The following FAM186B variants were observed in gnomAD, a reference collection of about 807,000 sequenced individuals.
FAM186B encodes the protein protein FAM186B.
Under a neutral mutation model 83.4 loss-of-function variants are expected in FAM186B, and 68 were observed. That is an observed-to-expected ratio of 0.81 (90% CI 0.67 to 1.00). The LOEUF is 1.00. Among genes scored for constraint, FAM186B ranks in the 50% least tolerant of loss-of-function variants. FAM186B has a pLI of 0.00. For synonymous variants in FAM186B, 389 were observed against 422.0 expected (o/e 0.92, Z 0.96); for missense variants, 983 against 1,099.2 (o/e 0.89, Z 1.49).
At chr12:49,617,957 G>T in the FAM186B span, among the ~76,000 whole-genome samples, 1 of 152,248 alleles carries the variant, frequency 6.6e-6, no homozygotes, top group Non-Finnish European at 1.5e-5. Context: ...GGTTGTGCCA[G>T]ACCAGAGATG....
Position 49,598,786 on chromosome 12 carries a change from C to T in FAM186B, c.2333G>A (p.Cys778Tyr), listed in dbSNP as rs1336566841. The change falls in exon 5 of 7, where the codon TGC becomes TAC. Residue 778 changes from cysteine to tyrosine, a missense_variant. Transcript: ENST00000257894. The stretch of plus-strand genomic sequence containing the variant: ...GAACATGGTCACCATGCTGCTCAGG[C>T]ACTCTCGGTGCTTCTCCTCCAGCCC... ...QKGLEEKHRE[C>Y]LSSMVTMFPK... is the part of the protein sequence containing the mutation. 6.2e-7 allele frequency: 1 copy of T among 1,611,374 alleles called. No homozygotes were observed. Among genetic ancestry groups the T allele is most frequent in the African/African-American group, 1.3e-5 (1 of 74,476 alleles).
At position 49,599,681 on chromosome 12, in the gene FAM186B, G is replaced by C; in HGVS notation, c.1959C>G (p.Ser653=). ...RRLTWPSLQI[S]PANIKKKVYH... ...ACACCTTCTTCTTAATATTTGCAGG[G>C]GATATCTGCAAAGAGGGCCAGGTCA... The change falls in exon 4 of 7, where the codon TCC becomes TCG. Residue 653 remains serine, a synonymous_variant. Coordinates refer to ENST00000257894, the MANE Select transcript of FAM186B (RefSeq NM_032130.3). 1 of 1,607,944 alleles carries C rather than the reference G, an allele frequency of 6.2e-7. No individual in the cohort carries two copies. Among genetic ancestry groups the C allele is most frequent in the Non-Finnish European group, 8.5e-7 (1 of 1,177,044 alleles).
the FAM186B span, among the ~76,000 whole-genome samples, chr12:49,611,879 AAAAT>A: frequency 6.6e-6 from 1 of 150,700 alleles, no homozygotes; most frequent in Admixed American, 6.6e-5. Context: ...AAAATAAAAT[AAAAT>A]AAATAAACTT....
At chr12:49,609,800 T>C (rs148088422), upstream of FAM186B, among the ~76,000 whole-genome samples, 668 of 152,304 alleles carry the variant, frequency 4.4e-3, 6 homozygotes, top group Middle Eastern at 0.02. Context: ...GTGCCTGCCA[T>C]TGAGGGACCT....
chr12:49,596,537 C>T (rs1939731266), intron 5 of FAM186B, among the ~76,000 whole-genome samples: 2 of 151,842 alleles, frequency 1.3e-5, no homozygotes, highest in South Asian at 4.2e-4. Flanking sequence ...AGGTGCTCAG[C>T]ATCATTAATC....
At chr12:49,606,792 C>T (rs913906814), upstream of FAM186B, among the ~76,000 whole-genome samples, 1 of 152,130 alleles carries the variant, frequency 6.6e-6, no homozygotes, top group Admixed American at 6.5e-5. Flanking sequence ...CATTGACAGT[C>T]ATAGAACACT....
chr12:49,598,044 A>G (rs1939768282), intron 5 of FAM186B, among the ~76,000 whole-genome samples: 1 of 152,246 alleles, frequency 6.6e-6, no homozygotes, highest in Non-Finnish European at 1.5e-5. Context: ...TGGGCAAAAG[A>G]GCGAGACTCT....
rs753676043 is a variant in FAM186B, at chr12:49,600,533, C to T, written c.1107G>A (p.Ser369=). The change falls in exon 4 of 7, where the codon TCG becomes TCA. Residue 369 remains serine (S), a synonymous_variant. Coordinates refer to ENST00000257894, the MANE Select transcript of FAM186B (RefSeq NM_032130.3). The surrounding 1 kb of genome is among the most constrained non-coding windows in gnomAD (Gnocchi z 4.3). ...TGGCCATGGGACTTGGGGGAAGTGG[C>T]GAGAACAACTGCTCCTCCTTCATCG... ...QEPMKEEQLF[S]PLPPSPMAMI... is the part of the protein sequence containing the mutation. The T allele has an allele frequency of 1.4e-5, 22 of 1,613,788 alleles. No homozygotes were observed. The highest frequency in any genetic ancestry group is 1.7e-5 in the Non-Finnish European group (20 of 1,179,904).
rs1481384150 is a variant in FAM186B, at chr12:49,603,197, T to A, written c.493A>T (p.Lys165Ter). Residue 165 changes from lysine (K) to a stop codon, truncating the protein, a stop_gained, in exon 3 of 7, where the codon AAA becomes TAA. Coordinates refer to ENST00000257894, the MANE Select transcript of FAM186B (RefSeq NM_032130.3). LOFTEE classifies it high-confidence loss of function. The part of the protein sequence containing the change: ...LCSTLIEGQK[K>*]RSQVSKRTFW... ...TCCTAGAACCTACCTTGTGACCTTT[T>A]CTTTTGTCCTTCAATGAGAGTGGAG... 6.2e-7 allele frequency: 1 copy of A among 1,614,204 alleles called. No homozygotes were observed. Among genetic ancestry groups the A allele is most frequent in the South Asian group, 1.1e-5 (1 of 91,086 alleles).
downstream of FAM186B, chr12:49,584,534 G>A (rs1469780025): frequency 1.4e-6 from 1 of 702,372 alleles, no homozygotes; most frequent in Non-Finnish European, 2.6e-6. Flanking sequence ...TCCAGGGAGT[G>A]ACTCGCTTGA....
At position 49,600,812 on chromosome 12, in the gene FAM186B, C is replaced by G. The variant is rs1939871437; in HGVS notation, c.828G>C (p.Arg276Ser). 4 of 1,612,152 alleles carry G rather than the reference C, an allele frequency of 2.5e-6. No individual in the cohort carries two copies. In the East Asian group the frequency reaches 8.9e-5, roughly 36 times the overall value. The change falls in exon 4 of 7, where the codon AGG becomes AGC. Residue 276 changes from arginine to serine, a missense_variant. Arg to Ser is a moderately radical substitution (Grantham distance 110, BLOSUM62 -1). Coordinates refer to ENST00000257894, the MANE Select transcript of FAM186B (RefSeq NM_032130.3). This position sits in a 1 kb window ranked among gnomAD's most constrained non-coding sequence, Gnocchi z 4.3. ...MQATKELSSQ[R>S]LHFQQFMEVL... ...CCTCCATGAACTGCTGGAAGTGCAG[C>G]CTCTGGCTGCTGAGCTCTTTGGTCG...
the FAM186B span, among the ~76,000 whole-genome samples, chr12:49,615,763 CG>C: frequency 6.6e-6 from 1 of 150,956 alleles, no homozygotes; most frequent in East Asian, 1.9e-4. Flanking sequence ...CACTCCAGCC[CG>C]GGCAACAGAG....
chr12:49,582,949 C>T, downstream of FAM186B: 1 of 446,152 alleles, frequency 2.2e-6, no homozygotes, highest in Non-Finnish European at 4.5e-6. Context: ...TGCAGGCTTT[C>T]TTTGCCTTTA....
In FAM186B at chr12:49,605,593, G is replaced by A. The variant is rs1016064920; in HGVS notation, c.-116C>T. ...CCAGGGTGTCTCCTGGGTACCCTCTGCCCAGGCACAGCTCCTCTGGTAACT... is the reference window on the plus strand; with the variant it reads ...CCAGGGTGTCTCCTGGGTACCCTCTACCCAGGCACAGCTCCTCTGGTAACT... On this transcript the variant is annotated 5_prime_UTR_variant, in exon 1 of 7. Coordinates refer to ENST00000257894, the MANE Select transcript of FAM186B (RefSeq NM_032130.3). 6 of 1,081,992 alleles carry A rather than the reference G, an allele frequency of 5.5e-6. No homozygotes were observed. In the Admixed American group the frequency reaches 1.3e-4, roughly 24 times the overall value. The allele number at this position is 1,081,992 out of a possible 1,614,324, so 67.0% of individuals were successfully genotyped here.
At chr12:49,608,064 C>A (rs1006926974), upstream of FAM186B, among the ~76,000 whole-genome samples, 4 of 151,888 alleles carry the variant, frequency 2.6e-5, no homozygotes, top group African/African-American at 9.7e-5. Context: ...AAAAGTACTA[C>A]AGACTAATAT....
At chr12:49,583,269 A>G (rs555560441), downstream of FAM186B, 42 of 341,272 alleles carry the variant, frequency 1.2e-4, no homozygotes, top group Admixed American at 3.0e-4. Context: ...AACTTGTTCA[A>G]TTTCTTCTCT....
At chr12:49,603,454 C>T in intron 2 of FAM186B, 87 bp from the exon 3 acceptor site, 1 of 1,347,116 alleles carries the variant, frequency 7.4e-7, no homozygotes, top group Non-Finnish European at 1.0e-6. Context: ...GTTCCAGCAG[C>T]TGTGAAGTCA....
Position 49,595,324 on chromosome 12 carries a change from ATAG to A in FAM186B, c.2364+3428_2364+3430del, listed in dbSNP as rs371561985. ...TGCAAAAAAAGAGGGACCATATGAC[ATAG>A]TAGTTCTACCAGGAGGTAATCTGGG... On this transcript the variant is annotated intron_variant, in intron 5 of 6. Transcript: ENST00000257894. 1,518 of 616,332 alleles carry A rather than the reference ATAG, an allele frequency of 2.5e-3. 7 individuals are homozygous for A. Among genetic ancestry groups the A allele is most frequent in the Non-Finnish European group, 4.2e-3 (1,370 of 327,908 alleles). The allele number at this position is 616,332 out of a possible 1,614,324, so 38.2% of individuals were successfully genotyped here.
In FAM186B at chr12:49,600,121, ACTT is replaced by A. The variant is rs775998573; in HGVS notation, c.1516_1518del (p.Lys506del). 1.6e-4 allele frequency: 253 copies of A among 1,613,222 alleles called. 2 individuals carry two copies. In the Admixed American group the frequency reaches 2.0e-3, roughly 13 times the overall value. On this transcript the variant is annotated inframe_deletion, in exon 4 of 7. Coordinates refer to ENST00000257894, the MANE Select transcript of FAM186B (RefSeq NM_032130.3). The surrounding 1 kb of genome is among the most constrained non-coding windows in gnomAD (Gnocchi z 4.3). ...TGATGCTCCTGCTCCAGCAGGGCCC[ACTT>A]CTTCTGCCGCTGCTGCCACATCTCC... is the stretch of plus-strand genomic sequence containing the variant.
Sources: gnomAD v4.1 joint callset for allele counts (sites outside exome capture counted in the v4.1 genomes callset) on GRCh38, gnomAD v4.1.1 for gene constraint, Gnocchi (gnomAD v3.1) non-coding constraint, MANE v1.5 for transcripts, NCBI Gene and HGNC (gene_info 2026-07-23, HGNC 2026-07-21) for gene names.